Variants in RPAP2 observed in about 807,000 individuals in gnomAD.
RPAP2 encodes the protein putative RNA polymerase II subunit B1 CTD phosphatase RPAP2.
Under a neutral mutation model 73.1 loss-of-function variants are expected in RPAP2, and 52 were observed. That is an observed-to-expected ratio of 0.71 (90% CI 0.57 to 0.90). RPAP2 has a LOEUF of 0.90. RPAP2 is among the 40% of genes least tolerant of loss of function. The pLI is 0.00. For synonymous variants in RPAP2, 225 were observed against 242.1 expected, an observed-to-expected ratio of 0.93 and a Z score of 0.65; for missense variants, 598 against 701.8, an observed-to-expected ratio of 0.85 and a Z score of 1.67.
In RPAP2 at chr1:92,396,706, T is replaced by C. The variant is rs1656192295; in HGVS notation, c.*9695T>C. 1 of 153,054 alleles carries C rather than the reference T, an allele frequency of 6.5e-6. No homozygotes were observed. Among genetic ancestry groups the C allele is most frequent in the African/African-American group, 2.4e-5 (1 of 41,410 alleles). The allele number at this position is 153,054 out of a possible 1,614,324, so 9.5% of individuals were successfully genotyped here. ...CCCAGGCTGGAGTGCAATGGCGCGA[T>C]CTCAGCTCACCACAACCTCCGCCTC... On this transcript the variant is annotated 3_prime_UTR_variant, in exon 13 of 13. Coordinates refer to ENST00000610020, the MANE Select transcript of RPAP2 (RefSeq NM_024813.3).
rs370498240 is a variant in RPAP2, at chr1:92,324,009, G to A, written c.1089G>A (p.Lys363=). Residue 363 remains lysine, a synonymous_variant, in exon 8 of 13, where the codon AAG becomes AAA. Coordinates refer to ENST00000610020, the MANE Select transcript of RPAP2 (RefSeq NM_024813.3). ...TGCAGGTGTGTCCTGAAGTTGGAAA[G>A]AGAAACTTACTTAAAGTTTTGAAGG... The part of the protein sequence containing the change: ...SSVQVCPEVG[K]RNLLKVLKET... 4 of 1,614,036 alleles carry A rather than the reference G, an allele frequency of 2.5e-6. No homozygotes were observed. The highest frequency in any genetic ancestry group is 3.3e-5 in the Admixed American group (2 of 60,010).
intron 11 of RPAP2, among the ~76,000 whole-genome samples, chr1:92,374,153 A>G (rs959102392): frequency 6.6e-6 from 1 of 152,192 alleles, no homozygotes; most frequent in African/African-American, 2.4e-5. Flanking sequence ...GACCTATTCT[A>G]TTACATTGAG....
chr1:92,304,221 TGTAAC>T, intron 4 of RPAP2, 58 bp from the exon 5 acceptor site: 3 of 1,221,752 alleles, frequency 2.5e-6, no homozygotes, highest in Non-Finnish European at 3.6e-6. Context: ...GACTTAATCT[TGTAAC>T]ATAACGTTCA....
chr1:92,299,833 C>T (rs1650676976), intron 1 of RPAP2, among the ~76,000 whole-genome samples: 1 of 152,146 alleles, frequency 6.6e-6, no homozygotes, highest in African/African-American at 2.4e-5. Flanking sequence ...CTATCTTGTA[C>T]CTAATGTGTT....
chr1:92,380,953 T>C (rs1571149763), intron 12 of RPAP2, 80 bp downstream of exon 12: 7 of 1,288,872 alleles, frequency 5.4e-6, no homozygotes, highest in South Asian at 3.2e-5. Context: ...TAATTGGAAA[T>C]TGTAAAAACC....
At chr1:92,386,412 T>A (rs936742342) in intron 12 of RPAP2, among the ~76,000 whole-genome samples, 1 of 152,180 alleles carries the variant, frequency 6.6e-6, no homozygotes, top group Non-Finnish European at 1.5e-5. Context: ...CTGAACCAAT[T>A]CATGGGGTCA....
rs777234663 is a variant in RPAP2 at position 92,336,446 on chromosome 1, A to G, written c.1619+19A>G. 1.4e-6 allele frequency: 2 copies of G among 1,478,100 alleles called. No homozygotes were observed. Among genetic ancestry groups the G allele is most frequent in the Non-Finnish European group, 9.4e-7 (1 of 1,061,690 alleles). The allele number at this position is 1,478,100 out of a possible 1,614,324, so 91.6% of individuals were successfully genotyped here. A position where few individuals can be genotyped will look rare whatever the true frequency, so the allele number is the denominator to read the frequency against. ...CTTTCAGGTTAGTGTTTATATTACA[A>G]TTATCCTTCTCAATTATTTTGACTT... is the stretch of plus-strand genomic sequence containing the variant. On this transcript the variant is annotated intron_variant, in intron 10 of 12. Coordinates refer to ENST00000610020, the MANE Select transcript of RPAP2 (RefSeq NM_024813.3).
chr1:92,365,059 C>T (rs895201006), intron 11 of RPAP2, among the ~76,000 whole-genome samples: 2 of 152,158 alleles, frequency 1.3e-5, no homozygotes, highest in Admixed American at 1.3e-4. Context: ...ATGCTTGAAA[C>T]TTATTTTCTT....
chr1:92,368,046 G>A (rs758566599), intron 11 of RPAP2, among the ~76,000 whole-genome samples: 1 of 152,144 alleles, frequency 6.6e-6, no homozygotes, highest in Non-Finnish European at 1.5e-5. Context: ...TCAGATTGTG[G>A]AGCTACAATA....
At chr1:92,330,367 G>A (rs777390619) in intron 8 of RPAP2, among the ~76,000 whole-genome samples, 53 of 147,348 alleles carry the variant, frequency 3.6e-4, no homozygotes, top group Non-Finnish European at 7.6e-4. Context: ...TAAAATTAAT[G>A]TTAGTTCTTT....
In RPAP2 at chr1:92,392,289, A is replaced by T. The variant is rs927030204; in HGVS notation, c.*5278A>T. 9.2e-5 allele frequency: 14 copies of T among 152,188 alleles called. No homozygotes were observed. The highest frequency in any genetic ancestry group is 1.8e-4 in the Non-Finnish European group (12 of 68,034). 9.4% of individuals were successfully genotyped at this position (152,188 alleles called of 1,614,324 possible). A position where few individuals can be genotyped will look rare whatever the true frequency, so the allele number is the denominator to read the frequency against. ...CAGAACCAACGGCAAAAACCACATG[A>T]TTATCTCAATAGATACAAAAAAGGC... On this transcript the variant is annotated 3_prime_UTR_variant, in exon 13 of 13. Transcript: ENST00000610020.
chr1:92,304,527 A>G (rs1557588205), intron 5 of RPAP2, among the ~76,000 whole-genome samples, 178 bp downstream of exon 5: 1 of 152,242 alleles, frequency 6.6e-6, no homozygotes, highest in Admixed American at 6.5e-5. Flanking sequence ...AAATATTTCA[A>G]TCAAGGTATT....
In RPAP2 at chr1:92,384,343, C is replaced by T. The variant is rs563031957; in HGVS notation, c.*-2668C>T. Among the ~76,000 whole-genome samples, 69 of 151,532 alleles carry T rather than the reference C, an allele frequency of 4.6e-4. No homozygotes were observed. In the South Asian group the frequency reaches 5.0e-3, roughly 11 times the overall value. ...TGGTGATTAAGAAAGAATACCAGAC[C>T]GGGTGCGCAGTGGCTAATGCCTGTA... On this transcript the variant is annotated intron_variant, in intron 12 of 12. Coordinates refer to ENST00000610020, the MANE Select transcript of RPAP2 (RefSeq NM_024813.3).
rs71091273 is a variant in RPAP2, at chr1:92,305,432, C to CAAAAAAAAAAAAAAAAAAAAAAAA, written c.399+1102_399+1103insAAAAAAAAAAAAAAAAAAAAAAAA. ...GGGGCAACAGAGTGAGGCTCCGTCT[C>CAAAAAAAAAAAAAAAAAAAAAAAA]AAAAAAAAAAAAAAAAAAAGACAAT... On this transcript the variant is annotated intron_variant, in intron 5 of 12. Coordinates refer to ENST00000610020, the MANE Select transcript of RPAP2 (RefSeq NM_024813.3). Among the ~76,000 whole-genome samples the CAAAAAAAAAAAAAAAAAAAAAAAA allele has an allele frequency of 8.9e-4, 47 of 52,666 alleles. 2 individuals are homozygous for CAAAAAAAAAAAAAAAAAAAAAAAA. The highest frequency in any genetic ancestry group is 1.5e-3 in the African/African-American group (11 of 7,516). 34.6% of individuals were successfully genotyped at this position (52,666 alleles called of 152,430 possible). A position where few individuals can be genotyped will look rare whatever the true frequency, so the allele number is the denominator to read the frequency against.
At position 92,304,072 on chromosome 1, in the gene RPAP2, A is replaced by C. The variant is rs1557587753; in HGVS notation, c.330A>C (p.Gly110=). 1 of 1,595,122 alleles carries C rather than the reference A, an allele frequency of 6.3e-7. No individual in the cohort carries two copies. Among genetic ancestry groups the C allele is most frequent in the South Asian group, 1.1e-5 (1 of 87,556 alleles). The change falls in exon 4 of 13, where the codon GGA becomes GGC. Residue 110 remains glycine, a synonymous_variant. Transcript: ENST00000610020. ...ATCCTTTATGTCAGAAGAAGCTGGG[A>C]ATTGTAAGTAACTCATTTTTTTTAA... is the stretch of plus-strand genomic sequence containing the variant. The part of the protein sequence containing the change: ...CGYPLCQKKL[G]IVPKQKYKIS...
At chr1:92,300,361 G>A in intron 2 of RPAP2, 122 bp downstream of exon 2, 5 of 733,670 alleles carry the variant, frequency 6.8e-6, no homozygotes, top group Admixed American at 2.4e-5. Flanking sequence ...AGAGGGAAGG[G>A]AAAGATCTGG....
intron 11 of RPAP2, among the ~76,000 whole-genome samples, chr1:92,350,392 G>A (rs1490477518): frequency 6.6e-6 from 1 of 152,092 alleles, no homozygotes; most frequent in Non-Finnish European, 1.5e-5. Context: ...GAACTCATTA[G>A]AAATGCAATA....
At chr1:92,378,760 C>T (rs1321638556) in intron 11 of RPAP2, among the ~76,000 whole-genome samples, 3 of 152,188 alleles carry the variant, frequency 2.0e-5, no homozygotes, top group Non-Finnish European at 4.4e-5. Flanking sequence ...CTGGCCACAA[C>T]TCTAGGTTTA....
rs1656235266 is a variant in RPAP2, at chr1:92,398,307, C to T, written c.*11296C>T. On this transcript the variant is annotated 3_prime_UTR_variant, in exon 13 of 13. Coordinates refer to ENST00000610020, the MANE Select transcript of RPAP2 (RefSeq NM_024813.3). ...TCATGTAACCCATAAATATATACAT[C>T]TACTATGTACCCACAAAAATTAAAA... 1 of 152,138 alleles carries T rather than the reference C, an allele frequency of 6.6e-6. No homozygotes were observed. The highest frequency in any genetic ancestry group is 1.5e-5 in the Non-Finnish European group (1 of 68,024). 9.4% of individuals were successfully genotyped at this position (152,138 alleles called of 1,614,324 possible). A position where few individuals can be genotyped will look rare whatever the true frequency, so the allele number is the denominator to read the frequency against.
Sources: allele counts gnomAD v4.1 joint callset (sites outside exome capture counted in the v4.1 genomes callset), GRCh38; gene constraint gnomAD v4.1.1; transcripts MANE v1.5; gene names NCBI Gene and HGNC (gene_info 2026-07-23, HGNC 2026-07-21).